Variants in NDFIP2 observed in about 807,000 individuals in gnomAD.
NDFIP2 encodes the protein Nedd4 family interacting protein 2.
A neutral mutation model predicts 36.0 loss-of-function variants in NDFIP2; 19 were observed. The ratio of observed to expected loss-of-function variants is 0.53; its 90% CI spans 0.37 to 0.77. NDFIP2 has a LOEUF of 0.77. Ranked by LOEUF, NDFIP2 falls within the 30% of genes least tolerant of loss-of-function variation. NDFIP2 has a pLI of 0.00. For synonymous variants in NDFIP2, 181 were observed against 167.7 expected, an observed-to-expected ratio of 1.08 and a Z score of -0.61; for missense variants, 446 against 435.8, an observed-to-expected ratio of 1.02 and a Z score of -0.21.
rs1290508969 is a variant in NDFIP2 at position 79,554,537 on chromosome 13, C to T, written c.*2024C>T. On this transcript the variant is annotated 3_prime_UTR_variant, in exon 8 of 8. Transcript: ENST00000218652. ...AACTTCACTTTTTGTTTTGACTTTT[C>T]CCCCCAAATCTGTAAGGTTCAAGTA... 6.6e-6 allele frequency: 1 copy of T among 151,714 alleles called. No homozygotes were observed. The highest frequency in any genetic ancestry group is 6.6e-5 in the Admixed American group (1 of 15,190). 9.4% of individuals were successfully genotyped at this position (151,714 alleles called of 1,614,324 possible). A position where few individuals can be genotyped will look rare whatever the true frequency, so the allele number is the denominator to read the frequency against.
Position 79,549,388 on chromosome 13 carries a change from T to C in NDFIP2, c.907+994T>C, listed in dbSNP as rs543134676. Among the ~76,000 whole-genome samples the C allele has an allele frequency of 5.3e-5, 8 of 152,110 alleles. 1 individual carries two copies. In the South Asian group the frequency reaches 1.7e-3, roughly 32 times the overall value. Reference sequence around the variant, plus strand: ...ATAAAGTCTATTAAGTATTTAAGCATATTAAATGAGTACATTTGTGTGTAT... The same window carrying C: ...ATAAAGTCTATTAAGTATTTAAGCACATTAAATGAGTACATTTGTGTGTAT... On this transcript the variant is annotated intron_variant, in intron 6 of 7. Coordinates refer to ENST00000218652, the MANE Select transcript of NDFIP2 (RefSeq NM_019080.3).
rs193139765 is a variant in NDFIP2, at chr13:79,491,646, A to G, written c.321+10122A>G. 2.6e-5 allele frequency among the ~76,000 whole-genome samples: 4 copies of G among 152,300 alleles called. No homozygotes were observed. The East Asian group carries it at 5.8e-4, about 22-fold the overall frequency. On this transcript the variant is annotated intron_variant, in intron 1 of 7. Coordinates refer to ENST00000218652, the MANE Select transcript of NDFIP2 (RefSeq NM_019080.3). ...TTGCTCAATTGTATGTGTATTCGCA[A>G]TATGTTATTTTAGGATTTTGTATGT...
At chr13:79,509,709 GT>G (rs1171229877) in intron 1 of NDFIP2, among the ~76,000 whole-genome samples, 2 of 107,998 alleles carry the variant, frequency 1.9e-5, no homozygotes, top group African/African-American at 3.7e-5. Flanking sequence ...AGAGAGAGAA[GT>G]TTATTAACTC....
chr13:79,548,134 C>T (rs1428105763), intron 5 of NDFIP2, among the ~76,000 whole-genome samples, 194 bp from the exon 6 acceptor site: 2 of 151,900 alleles, frequency 1.3e-5, no homozygotes, highest in East Asian at 1.9e-4. Context: ...TTTGCTATTG[C>T]ATAAGATGAT....
intron 1 of NDFIP2, among the ~76,000 whole-genome samples, chr13:79,491,942 C>T (rs1351550298): frequency 1.3e-5 from 2 of 152,202 alleles, no homozygotes; most frequent in Non-Finnish European, 2.9e-5. Context: ...CTAAGATTTA[C>T]TGTCAGATTA....
At chr13:79,486,266 A>G (rs546547440) in intron 1 of NDFIP2, among the ~76,000 whole-genome samples, 1 of 152,318 alleles carries the variant, frequency 6.6e-6, no homozygotes, top group South Asian at 2.1e-4. Context: ...GTGGCCCCTT[A>G]CTGAATCTGC....
chr13:79,548,564 C>T (rs1158123245), intron 6 of NDFIP2, among the ~76,000 whole-genome samples, 170 bp downstream of exon 6: 1 of 151,990 alleles, frequency 6.6e-6, no homozygotes, highest in Non-Finnish European at 1.5e-5. Context: ...CTACAGATTT[C>T]TTAGATTTAA....
chr13:79,487,795 A>G (rs1030411364), intron 1 of NDFIP2, among the ~76,000 whole-genome samples: 3 of 152,054 alleles, frequency 2.0e-5, no homozygotes, highest in Non-Finnish European at 4.4e-5. Context: ...GTTTTTTTGA[A>G]TGGGCCCTCC....
At position 79,554,202 on chromosome 13, in the gene NDFIP2, T is replaced by TTC. The variant is rs1876019977; in HGVS notation, c.*1689_*1690insTC. On this transcript the variant is annotated 3_prime_UTR_variant, in exon 8 of 8. Coordinates refer to ENST00000218652, the MANE Select transcript of NDFIP2 (RefSeq NM_019080.3). ...AGTACCTGTGTTACACCCCTTGAAG[T>TTC]AAGACAGTAGCATGGGGTAAAGAAA... is the stretch of plus-strand genomic sequence containing the variant. 1 of 151,738 alleles carries TTC rather than the reference T, an allele frequency of 6.6e-6. No individual in the cohort carries two copies. Among genetic ancestry groups the TTC allele is most frequent in the African/African-American group, 2.4e-5 (1 of 41,428 alleles). The allele number at this position is 151,738 out of a possible 1,614,324, so 9.4% of individuals were successfully genotyped here.
intron 3 of NDFIP2, among the ~76,000 whole-genome samples, chr13:79,535,923 T>G (rs73234697): frequency 6.6e-6 from 1 of 152,226 alleles, no homozygotes; most frequent in African/African-American, 2.4e-5. Context: ...ATTTAAAAAT[T>G]GAAAAAAAGT....
chr13:79,527,878 G>C (rs1047876563), intron 2 of NDFIP2, among the ~76,000 whole-genome samples: 14 of 152,152 alleles, frequency 9.2e-5, no homozygotes, highest in African/African-American at 3.1e-4. Flanking sequence ...CGACCTTCCA[G>C]TGGGACAAAT....
At chr13:79,547,649 G>T (rs140674777) in intron 5 of NDFIP2, among the ~76,000 whole-genome samples, 1 of 152,196 alleles carries the variant, frequency 6.6e-6, no homozygotes, top group African/African-American at 2.4e-5. Flanking sequence ...CCATCTGCCT[G>T]TTCATATTCC....
intron 3 of NDFIP2, among the ~76,000 whole-genome samples, chr13:79,538,877 T>A (rs760946335): frequency 1.3e-4 from 20 of 152,210 alleles, no homozygotes; most frequent in Non-Finnish European, 2.8e-4. Flanking sequence ...CCACAGCGCC[T>A]GGCCAGAATA....
chr13:79,504,638 T>A (rs1873790885), intron 1 of NDFIP2, among the ~76,000 whole-genome samples: 2 of 152,138 alleles, frequency 1.3e-5, no homozygotes, highest in Non-Finnish European at 1.5e-5. Flanking sequence ...TCTAAATTTT[T>A]TTTTTTTTGT....
At chr13:79,539,418 T>C (rs1003770041) in intron 3 of NDFIP2, among the ~76,000 whole-genome samples, 1 of 152,230 alleles carries the variant, frequency 6.6e-6, no homozygotes, top group Non-Finnish European at 1.5e-5. Context: ...ATGTATCTTC[T>C]TGATACCATT....
intron 5 of NDFIP2, among the ~76,000 whole-genome samples, chr13:79,545,967 A>G (rs964775855): frequency 1.5e-4 from 23 of 152,176 alleles, no homozygotes; most frequent in African/African-American, 5.3e-4. Flanking sequence ...AGCTCAGGCA[A>G]TCTGCCTGCC....
In NDFIP2 at chr13:79,481,451, C is replaced by T; in HGVS notation, c.248C>T (p.Ser83Phe). Residue 83 changes from serine (S) to phenylalanine (F), a missense_variant, in exon 1 of 8, where the codon TCC becomes TTC. Physicochemically the swap from Ser to Phe is radical, Grantham distance 155 (BLOSUM62 -2). Around this residue, in one of 2 missense-constraint regions of NDFIP2, gnomAD observed 369 missense variants for 304.8 expected, o/e 1.21. Coordinates refer to ENST00000218652, the MANE Select transcript of NDFIP2 (RefSeq NM_019080.3). Reference protein sequence around the residue: ...VAVGAEHGEDSLSRKPDPEPG... With the variant: ...VAVGAEHGEDFLSRKPDPEPG... ...GTGGGAGCTGAGCACGGAGAAGACT[C>T]CCTCTCTCGGAAGCCGGATCCCGAG... 2.6e-6 allele frequency: 4 copies of T among 1,562,714 alleles called. No individual in the cohort carries two copies. The highest frequency in any genetic ancestry group is 2.4e-5 in the South Asian group (2 of 84,844).
chr13:79,510,123 T>C (rs569293904), intron 1 of NDFIP2, among the ~76,000 whole-genome samples: 1 of 152,208 alleles, frequency 6.6e-6, no homozygotes, highest in Non-Finnish European at 1.5e-5. Context: ...TTATGTTTGG[T>C]TTATACAAAT....
At position 79,481,542 on chromosome 13, in the gene NDFIP2, T is replaced by A; in HGVS notation, c.321+18T>A. Reference sequence around the variant, plus strand: ...ACCAGGTGGTGAGTTCCCGGCCTCCTGTGCCTCCCGGGACTGCCTCCCGCC... The same window carrying A: ...ACCAGGTGGTGAGTTCCCGGCCTCCAGTGCCTCCCGGGACTGCCTCCCGCC... On this transcript the variant is annotated intron_variant, in intron 1 of 7. Transcript: ENST00000218652. 1 of 1,540,534 alleles carries A rather than the reference T, an allele frequency of 6.5e-7. No individual in the cohort carries two copies. The highest frequency in any genetic ancestry group is 8.7e-7 in the Non-Finnish European group (1 of 1,143,582).
Sources: allele counts gnomAD v4.1 joint callset (sites outside exome capture counted in the v4.1 genomes callset), GRCh38; gene constraint gnomAD v4.1.1; regional missense constraint gnomAD v4.1.1; transcripts MANE v1.5; gene names NCBI Gene and HGNC (gene_info 2026-07-23, HGNC 2026-07-21).